The following UBE2E2 variants were observed in gnomAD, a reference collection of about 807,000 sequenced individuals.
UBE2E2 encodes ubiquitin-conjugating enzyme E2 E2.
In UBE2E2, 6 loss-of-function variants were observed where a neutral mutation model predicts 24.7. The observed-to-expected ratio is 0.24, with a 90% confidence interval of 0.13 to 0.48. UBE2E2 has a LOEUF of 0.48. Among genes scored for constraint, UBE2E2 ranks in the 20% least tolerant of loss-of-function variants. The probability of loss-of-function intolerance (pLI) is 0.99; values close to 1 mark genes in which losing one functional copy is unlikely to be tolerated. For missense variants in UBE2E2, 169 were observed against 245.0 expected, an observed-to-expected ratio of 0.69 and a Z score of 2.07; for synonymous variants, 104 against 83.6, an observed-to-expected ratio of 1.24 and a Z score of -1.33.
intron 5 of UBE2E2, among the ~76,000 whole-genome samples, chr3:23,543,157 TAACA>T (rs1042671463): frequency 6.6e-6 from 1 of 152,188 alleles, no homozygotes; most frequent in Admixed American, 6.5e-5. Context: ...CTACAAAACA[TAACA>T]AACACTTTTA....
intron 3 of UBE2E2, among the ~76,000 whole-genome samples, chr3:23,240,677 T>TATAG (rs1289307296): frequency 1.3e-5 from 2 of 152,230 alleles, no homozygotes; most frequent in Non-Finnish European, 2.9e-5. Context: ...ATACATTGAA[T>TATAG]ATAGGGATGA....
At chr3:23,468,928 CA>C (rs1460698849) in intron 3 of UBE2E2, among the ~76,000 whole-genome samples, 1 of 152,174 alleles carries the variant, frequency 6.6e-6, no homozygotes, top group South Asian at 2.1e-4. Flanking sequence ...ATTTATTTAT[CA>C]AAAAAACTCT....
chr3:23,523,837 T>TA (rs1553618039), intron 4 of UBE2E2, among the ~76,000 whole-genome samples: 1 of 151,604 alleles, frequency 6.6e-6, no homozygotes, highest in African/African-American at 2.4e-5. Flanking sequence ...TTTTTTTTTT[T>TA]ATGTATACTA....
chr3:23,481,949 A>G (rs2125442711), intron 3 of UBE2E2, among the ~76,000 whole-genome samples: 1 of 152,356 alleles, frequency 6.6e-6, no homozygotes, highest in South Asian at 2.1e-4. Flanking sequence ...TACTGTAGAA[A>G]ATTGATGTAG....
rs372414920 is a variant in UBE2E2, at chr3:23,589,628, A to G, written c.509-106A>G. ...CGCAGCAATGGTGGTCCAGGTTAGA[A>G]CAGCAGCTTCTCATCTCCTACCCTC... On this transcript the variant is annotated intron_variant, in intron 5 of 5. Transcript: ENST00000396703. The surrounding 1 kb of genome is among the most constrained non-coding windows in gnomAD (Gnocchi z 4.1). The G allele has an allele frequency of 6.4e-5, 74 of 1,150,978 alleles. No individual in the cohort carries two copies. Among genetic ancestry groups the G allele is most frequent in the South Asian group, 4.5e-4 (31 of 68,792 alleles). 71.3% of individuals were successfully genotyped at this position (1,150,978 alleles called of 1,614,324 possible).
At chr3:23,429,013 A>G (rs1270063101) in intron 3 of UBE2E2, among the ~76,000 whole-genome samples, 1 of 152,050 alleles carries the variant, frequency 6.6e-6, no homozygotes. Flanking sequence ...ATAAAGAAAT[A>G]CTATAAACAA....
intron 4 of UBE2E2, 63 bp downstream of exon 4, chr3:23,499,803 A>T: frequency 6.5e-7 from 1 of 1,548,504 alleles, no homozygotes; most frequent in South Asian, 1.2e-5. Flanking sequence ...ACATATACTT[A>T]TTCTTAAATA....
chr3:23,398,847 A>G (rs1182541273), intron 3 of UBE2E2, among the ~76,000 whole-genome samples: 1 of 152,200 alleles, frequency 6.6e-6, no homozygotes, highest in Non-Finnish European at 1.5e-5. Flanking sequence ...CACAAACTTT[A>G]TGAATCAAAT....
chr3:23,568,059 G>A (rs2125509629), intron 5 of UBE2E2, among the ~76,000 whole-genome samples: 1 of 152,316 alleles, frequency 6.6e-6, no homozygotes, highest in African/African-American at 2.4e-5. Flanking sequence ...AGCACAGACA[G>A]CACCCATGTG....
chr3:23,370,545 A>G (rs535440071), intron 3 of UBE2E2, among the ~76,000 whole-genome samples: 46 of 152,342 alleles, frequency 3.0e-4, no homozygotes, highest in African/African-American at 1.1e-3. Flanking sequence ...AATCAGATTT[A>G]TGGTAGTTAA....
intron 3 of UBE2E2, among the ~76,000 whole-genome samples, chr3:23,369,129 T>A (rs1041247903): frequency 1.3e-5 from 2 of 152,130 alleles, no homozygotes; most frequent in African/African-American, 4.8e-5. Context: ...ATTCAAAGAG[T>A]AGCTTTTATC....
intron 2 of UBE2E2, among the ~76,000 whole-genome samples, chr3:23,212,388 G>A (rs1696353483): frequency 6.6e-6 from 1 of 152,118 alleles, no homozygotes; most frequent in African/African-American, 2.4e-5. Flanking sequence ...GACTATATCT[G>A]CAGTGACAGA....
intron 5 of UBE2E2, among the ~76,000 whole-genome samples, chr3:23,539,816 A>G (rs1695348367): frequency 2.0e-5 from 3 of 152,110 alleles, no homozygotes; most frequent in African/African-American, 7.2e-5. Flanking sequence ...GATTTTTTTT[A>G]ATGAATTGGA....
intron 3 of UBE2E2, among the ~76,000 whole-genome samples, chr3:23,353,973 C>G (rs1209020853): frequency 2.0e-5 from 3 of 152,182 alleles, no homozygotes; most frequent in South Asian, 2.1e-4. Flanking sequence ...ATCACGCTAC[C>G]TGACTTCAAA....
chr3:23,587,650 T>A (rs1040208920), intron 5 of UBE2E2, among the ~76,000 whole-genome samples: 16 of 152,222 alleles, frequency 1.1e-4, no homozygotes, highest in African/African-American at 3.9e-4. Flanking sequence ...CAGATTTCAC[T>A]TTGGCCCCTA....
chr3:23,346,446 T>C (rs1356874062), intron 3 of UBE2E2, among the ~76,000 whole-genome samples: 1 of 152,200 alleles, frequency 6.6e-6, no homozygotes, highest in Admixed American at 6.5e-5. Context: ...TTCAGTAAAA[T>C]GTATTTAGCT....
intron 3 of UBE2E2, among the ~76,000 whole-genome samples, chr3:23,339,014 G>A (rs1383768185): frequency 6.6e-6 from 1 of 152,054 alleles, no homozygotes. Context: ...AGGAATCATA[G>A]TAACCTTACA....
chr3:23,351,226 C>T (rs1285781820), intron 3 of UBE2E2, among the ~76,000 whole-genome samples: 4 of 152,070 alleles, frequency 2.6e-5, no homozygotes, highest in Non-Finnish European at 2.9e-5. Context: ...TAAAAGAGCT[C>T]CTGAAGGAAG....
intron 3 of UBE2E2, among the ~76,000 whole-genome samples, chr3:23,383,475 T>C (rs1433163055): frequency 1.5e-4 from 8 of 52,938 alleles, no homozygotes; most frequent in South Asian, 1.1e-3. Flanking sequence ...TTATCCCCCT[T>C]TTTTTTTTTC....
Sources: gnomAD v4.1 joint callset for allele counts (sites outside exome capture counted in the v4.1 genomes callset) on GRCh38, gnomAD v4.1.1 for gene constraint, Gnocchi (gnomAD v3.1) non-coding constraint, MANE v1.5 for transcripts, NCBI Gene and HGNC (gene_info 2026-07-23, HGNC 2026-07-21) for gene names.